The following STK10 variants were observed in gnomAD, a reference collection of about 807,000 sequenced individuals.
The protein encoded by STK10 is serine/threonine kinase 10, also known as serine/threonine-protein kinase 10.
STK10 carries 78 observed loss-of-function variants against 113.8 expected under a neutral mutation model. The observed-to-expected ratio is 0.69, with a 90% CI of 0.57 to 0.83. STK10 has a LOEUF of 0.83. STK10 is among the 40% of genes least tolerant of loss of function. STK10 has a pLI of 0.00. For synonymous variants in STK10, 465 were observed against 494.7 expected, an observed-to-expected ratio of 0.94 and a Z score of 0.80; for missense variants, 1,109 against 1,280.1, an observed-to-expected ratio of 0.87 and a Z score of 2.04.
At chr5:172,052,832 C>A in intron 18 of STK10, 97 bp downstream of exon 18, 1 of 1,142,726 alleles carries the variant, frequency 8.8e-7, no homozygotes. Context: ...AAGCAAGAGT[C>A]CACCAAAATA....
intron 2 of STK10, among the ~76,000 whole-genome samples, chr5:172,149,532 G>C (rs1359984518): frequency 3.5e-5 from 5 of 144,108 alleles, no homozygotes; most frequent in Middle Eastern, 6.9e-3. Flanking sequence ...CTGTGTGTGT[G>C]TGTGTGTGTG....
chr5:172,057,259 A>G, intron 15 of STK10, 90 bp downstream of exon 15: 7 of 1,515,434 alleles, frequency 4.6e-6, no homozygotes, highest in Non-Finnish European at 6.2e-6. Context: ...CAAAGTGTGC[A>G]CCCAAGAGGT....
intron 12 of STK10, among the ~76,000 whole-genome samples, chr5:172,079,715 A>G (rs1768389984): frequency 6.6e-6 from 1 of 151,988 alleles, no homozygotes; most frequent in East Asian, 1.9e-4. Context: ...ACCTGTGATC[A>G]TGCCTGACTA....
chr5:172,117,733 G>T, intron 3 of STK10, 103 bp from the exon 4 acceptor site: 1 of 1,497,802 alleles, frequency 6.7e-7, no homozygotes, highest in Non-Finnish European at 9.0e-7. Context: ...ACCAACATTA[G>T]GCCAGGCGTG....
chr5:172,159,477 G>A (rs1056973049), intron 1 of STK10, among the ~76,000 whole-genome samples: 3 of 152,172 alleles, frequency 2.0e-5, no homozygotes, highest in Non-Finnish European at 4.4e-5. Flanking sequence ...AGGAGACGGA[G>A]GCTGCAGTGA....
At chr5:172,066,532 A>G (rs1768073305) in intron 12 of STK10, among the ~76,000 whole-genome samples, 1 of 152,242 alleles carries the variant, frequency 6.6e-6, no homozygotes, top group South Asian at 2.1e-4. Context: ...CACGCCTGTA[A>G]TCCCAGCACT....
rs1262491571 is a variant in STK10, at chr5:172,096,576, G to A, written c.871-16C>T. The A allele has an allele frequency of 6.2e-7, 1 of 1,611,936 alleles. No homozygotes were observed. The highest frequency in any genetic ancestry group is 8.5e-7 in the Non-Finnish European group (1 of 1,179,986). On this transcript the variant is annotated splice_polypyrimidine_tract_variant and intron_variant, in intron 7 of 18. Transcript: ENST00000176763. ...CGAAGGGATGCTGAGGGGGCAAGATGCACCCAGATTAGAACCACTCTGGGG... is the reference window on the plus strand; with the variant it reads ...CGAAGGGATGCTGAGGGGGCAAGATACACCCAGATTAGAACCACTCTGGGG...
chr5:172,112,421 T>TC (rs1183329420), intron 4 of STK10, among the ~76,000 whole-genome samples: 1 of 145,696 alleles, frequency 6.9e-6, no homozygotes, highest in Non-Finnish European at 1.5e-5. Context: ...CCTTACTTTT[T>TC]TTTTTTTTTT....
chr5:172,121,573 G>A (rs1243497254), intron 3 of STK10, among the ~76,000 whole-genome samples: 5 of 152,124 alleles, frequency 3.3e-5, no homozygotes, highest in Non-Finnish European at 7.4e-5. Context: ...TCGGGAGGTG[G>A]AGGTGGGCAG....
Position 172,187,772 on chromosome 5 carries a change from A to G in STK10, c.156+115T>C. 6.8e-7 allele frequency: 1 copy of G among 1,462,504 alleles called. No individual in the cohort carries two copies. The highest frequency in any genetic ancestry group is 9.2e-7 in the Non-Finnish European group (1 of 1,089,076). 90.6% of individuals were successfully genotyped at this position (1,462,504 alleles called of 1,614,324 possible). On this transcript the variant is annotated intron_variant, in intron 1 of 18. Transcript: ENST00000176763. The surrounding 1 kb of genome is among the most constrained non-coding windows in gnomAD (Gnocchi z 4.6). The stretch of plus-strand genomic sequence containing the variant: ...TCGGGATGAGGGCCAGGGACCCCGA[A>G]TTCAGCGCCGGGCAGCCCTCGGAGC...
At chr5:172,177,494 T>G (rs1335641007) in intron 1 of STK10, among the ~76,000 whole-genome samples, 1 of 152,114 alleles carries the variant, frequency 6.6e-6, no homozygotes, top group Non-Finnish European at 1.5e-5. Context: ...GAGGCAACAG[T>G]AGAGGCCAGA....
chr5:172,181,513 C>G (rs922688497), intron 1 of STK10, among the ~76,000 whole-genome samples: 29 of 150,608 alleles, frequency 1.9e-4, no homozygotes, highest in Non-Finnish European at 2.5e-4. Flanking sequence ...GACAGAGTCT[C>G]GCTGTGTCAC....
In STK10 at chr5:172,064,751, A is replaced by G. The variant is rs544240789; in HGVS notation, c.2051T>C (p.Met684Thr). ...CTGCTTTTTCTGCGTGTGCTCCTCCATCTTCTGCTTCATGCTTTCCTTCCG... is the reference window on the plus strand; with the variant it reads ...CTGCTTTTTCTGCGTGTGCTCCTCCGTCTTCTGCTTCATGCTTTCCTTCCG... ...QQRKESMKQK[M>T]EEHTQKKQLL... The change falls in exon 13 of 19, where the codon ATG (methionine) becomes ACG (threonine). Residue 684 changes from methionine to threonine, a missense_variant. Met to Thr is a moderately conservative substitution (Grantham distance 81, BLOSUM62 -1). Around this residue, in one of 5 missense-constraint regions of STK10, gnomAD observed 885 missense variants for 991.1 expected, o/e 0.89. Coordinates refer to ENST00000176763, the MANE Select transcript of STK10 (RefSeq NM_005990.4). 4 of 1,614,108 alleles carry G rather than the reference A, an allele frequency of 2.5e-6. No individual in the cohort carries two copies. The highest frequency in any genetic ancestry group is 2.2e-5 in the South Asian group (2 of 91,082).
At chr5:172,168,069 T>A (rs1180588234) in intron 1 of STK10, among the ~76,000 whole-genome samples, 1 of 152,124 alleles carries the variant, frequency 6.6e-6, no homozygotes, top group Non-Finnish European at 1.5e-5. Flanking sequence ...ATGAAAAGCC[T>A]GGGTGTGGGT....
rs567084619 is a variant in STK10, at chr5:172,150,265, G to A, written c.321+6359C>T. Reference sequence around the variant, plus strand: ...GGAGGCTGAGGAGGTTGGATCACCTGAGGTCAGGAGTTCAAGAACAGTCTG... The same window carrying A: ...GGAGGCTGAGGAGGTTGGATCACCTAAGGTCAGGAGTTCAAGAACAGTCTG... On this transcript the variant is annotated intron_variant, in intron 2 of 18. Transcript: ENST00000176763. Among the ~76,000 whole-genome samples, 92 of 151,930 alleles carry A rather than the reference G, an allele frequency of 6.1e-4. 4 individuals carry two copies. The South Asian group carries it at 0.019, about 31-fold the overall frequency.
intron 2 of STK10, among the ~76,000 whole-genome samples, chr5:172,130,880 C>T (rs1248341320): frequency 6.6e-6 from 1 of 152,126 alleles, no homozygotes; most frequent in East Asian, 1.9e-4. Flanking sequence ...GCTTAGATCA[C>T]GTCACTTAGG....
chr5:172,187,776 A>T lies in STK10; in HGVS notation c.156+111T>A. ...GATGAGGGCCAGGGACCCCGAATTC[A>T]GCGCCGGGCAGCCCTCGGAGCCGGA... On this transcript the variant is annotated intron_variant, in intron 1 of 18. Transcript: ENST00000176763. The surrounding 1 kb of genome is among the most constrained non-coding windows in gnomAD (Gnocchi z 4.6). 2 of 1,469,772 alleles carry T rather than the reference A, an allele frequency of 1.4e-6. No homozygotes were observed. The highest frequency in any genetic ancestry group is 1.8e-6 in the Non-Finnish European group (2 of 1,094,510). 91.0% of individuals were successfully genotyped at this position (1,469,772 alleles called of 1,614,324 possible). A position where few individuals can be genotyped will look rare whatever the true frequency, so the allele number is the denominator to read the frequency against.
intron 2 of STK10, among the ~76,000 whole-genome samples, chr5:172,141,307 T>A (rs1769968014): frequency 6.6e-6 from 1 of 152,194 alleles, no homozygotes; most frequent in Non-Finnish European, 1.5e-5. Flanking sequence ...CCAGGCGCGG[T>A]GGCTCATGCC....
chr5:172,077,904 C>T (rs905593414), intron 12 of STK10, among the ~76,000 whole-genome samples: 3 of 152,122 alleles, frequency 2.0e-5, no homozygotes, highest in African/African-American at 4.8e-5. Flanking sequence ...TATGGTCTCC[C>T]TCTCCAGCAT....
Sources: gnomAD v4.1 joint callset for allele counts (sites outside exome capture counted in the v4.1 genomes callset) on GRCh38, gnomAD v4.1.1 for gene constraint, gnomAD v4.1.1 regional missense constraint, Gnocchi (gnomAD v3.1) non-coding constraint, MANE v1.5 for transcripts, NCBI Gene and HGNC (gene_info 2026-07-23, HGNC 2026-07-21) for gene names.